Variants in MLLT3 observed in about 807,000 individuals in gnomAD.
MLLT3 encodes the protein MLLT3 super elongation complex subunit.
In MLLT3, 4 loss-of-function variants were observed where a neutral mutation model predicts 53.2. That is an observed-to-expected ratio of 0.08 (90% CI 0.04 to 0.17). The LOEUF (loss-of-function observed/expected upper bound fraction) is 0.17, where lower values mean the gene tolerates loss of function less well. Among genes scored for constraint, MLLT3 ranks in the 10% least tolerant of loss-of-function variants. The probability of loss-of-function intolerance (pLI) is 1.00; values close to 1 mark genes in which losing one functional copy is unlikely to be tolerated. For synonymous variants in MLLT3, 283 were observed against 230.6 expected (o/e 1.23, Z -2.06); for missense variants, 569 against 684.0 (o/e 0.83, Z 1.87).
intron 2 of MLLT3, among the ~76,000 whole-genome samples, chr9:20,466,451 T>C (rs1199552862): frequency 6.6e-6 from 1 of 152,210 alleles, no homozygotes; most frequent in Non-Finnish European, 1.5e-5. Context: ...AGCTATATCA[T>C]TTAAGTAAAC....
chr9:20,365,834 T>C (rs2118651533), intron 5 of MLLT3, 90 bp from the exon 6 acceptor site: 2 of 1,340,500 alleles, frequency 1.5e-6, no homozygotes, highest in Non-Finnish European at 2.1e-6. Flanking sequence ...CAAACCATCC[T>C]CTGCAAAAAC....
At chr9:20,431,893 T>C (rs769512231) in intron 4 of MLLT3, among the ~76,000 whole-genome samples, 2 of 152,118 alleles carry the variant, frequency 1.3e-5, no homozygotes, top group Non-Finnish European at 2.9e-5. Flanking sequence ...TATTATACCA[T>C]TTTCATAACA....
chr9:20,508,051 G>C (rs997112833), intron 2 of MLLT3, among the ~76,000 whole-genome samples: 1 of 152,114 alleles, frequency 6.6e-6, no homozygotes, highest in South Asian at 2.1e-4. Flanking sequence ...CAAAAGGAGA[G>C]GTTCTATTTC....
intron 2 of MLLT3, among the ~76,000 whole-genome samples, chr9:20,470,402 A>G: frequency 6.6e-6 from 1 of 151,958 alleles, no homozygotes; most frequent in South Asian, 2.1e-4. Flanking sequence ...GTGTGTTGTC[A>G]TTTCGTATGT....
chr9:20,411,519 T>C (rs16938060), intron 5 of MLLT3, among the ~76,000 whole-genome samples: 2,483 of 152,278 alleles, frequency 0.016, 51 homozygotes, highest in African/African-American at 0.051. Flanking sequence ...TATACACAAA[T>C]AGTACCTGAA....
chr9:20,352,563 G>A (rs1821054020), intron 10 of MLLT3, among the ~76,000 whole-genome samples: 2 of 152,236 alleles, frequency 1.3e-5, no homozygotes, highest in South Asian at 4.1e-4. Flanking sequence ...TCATAGGTCT[G>A]TAGTCTTTTG....
rs1467580200 is a variant in MLLT3, at chr9:20,363,719, T to C, written c.1202-114A>G. On this transcript the variant is annotated intron_variant, in intron 6 of 10. Coordinates refer to ENST00000380338, the MANE Select transcript of MLLT3 (RefSeq NM_004529.4). ...GAACACTGGTTAAAAATAATCATCA[T>C]ATATATTTATACAATTTACAAGGCA... 5 of 942,428 alleles carry C rather than the reference T, an allele frequency of 5.3e-6. No individual in the cohort carries two copies. The East Asian group carries it at 1.2e-4, about 22-fold the overall frequency. 58.4% of individuals were successfully genotyped at this position (942,428 alleles called of 1,614,324 possible). A position where few individuals can be genotyped will look rare whatever the true frequency, so the allele number is the denominator to read the frequency against.
At chr9:20,581,456 A>G (rs1819791170) in intron 2 of MLLT3, among the ~76,000 whole-genome samples, 1 of 152,214 alleles carries the variant, frequency 6.6e-6, no homozygotes, top group African/African-American at 2.4e-5. Flanking sequence ...GAGTTCTAAG[A>G]GGCCACTTTA....
chr9:20,561,487 G>T (rs991482577), intron 2 of MLLT3, among the ~76,000 whole-genome samples: 1 of 152,126 alleles, frequency 6.6e-6, no homozygotes, highest in African/African-American at 2.4e-5. Context: ...GCTAATGATT[G>T]CTGGTTTTAA....
intron 2 of MLLT3, among the ~76,000 whole-genome samples, chr9:20,544,345 G>GA (rs905963248): frequency 1.6e-4 from 25 of 151,656 alleles, no homozygotes; most frequent in Non-Finnish European, 3.4e-4. Context: ...TTCCATGCAG[G>GA]AAAAAAAATG....
chr9:20,404,963 C>A (rs1822544668), intron 5 of MLLT3, among the ~76,000 whole-genome samples: 1 of 152,032 alleles, frequency 6.6e-6, no homozygotes, highest in Non-Finnish European at 1.5e-5. Context: ...TGAGCGCAAC[C>A]TTTATTTATT....
At chr9:20,468,018 T>A (rs997620785) in intron 2 of MLLT3, among the ~76,000 whole-genome samples, 4 of 152,204 alleles carry the variant, frequency 2.6e-5, no homozygotes, top group Admixed American at 6.5e-5. Flanking sequence ...TTGAGAAAGA[T>A]CCTTAGGTTC....
chr9:20,569,936 A>T (rs1480898817), intron 2 of MLLT3, among the ~76,000 whole-genome samples: 2 of 152,112 alleles, frequency 1.3e-5, no homozygotes, highest in African/African-American at 2.4e-5. Context: ...CTAGCAGAAA[A>T]ATGAACCGTT....
chr9:20,587,532 G>GA (rs10707662), intron 2 of MLLT3, among the ~76,000 whole-genome samples: 4,276 of 150,426 alleles, frequency 0.028, 230 homozygotes, highest in African/African-American at 0.098. Context: ...TAAGATAAAA[G>GA]AAAAAAAAAT....
intron 2 of MLLT3, among the ~76,000 whole-genome samples, chr9:20,572,818 T>A (rs938819617): frequency 9.2e-5 from 14 of 152,090 alleles, no homozygotes; most frequent in African/African-American, 3.4e-4. Context: ...TATAAATAAG[T>A]AAACAGTAAC....
intron 2 of MLLT3, among the ~76,000 whole-genome samples, chr9:20,584,951 A>C (rs1265595780): frequency 1.3e-5 from 2 of 152,232 alleles, no homozygotes; most frequent in Non-Finnish European, 2.9e-5. Context: ...GGCAGTTATA[A>C]ATAAAGCTGT....
At chr9:20,395,996 T>C (rs1257952614) in intron 5 of MLLT3, among the ~76,000 whole-genome samples, 1 of 152,080 alleles carries the variant, frequency 6.6e-6, no homozygotes, top group Non-Finnish European at 1.5e-5. Context: ...GAAAGCAGAA[T>C]CCCTACCTTT....
At chr9:20,476,149 A>C (rs1235471951) in intron 2 of MLLT3, among the ~76,000 whole-genome samples, 2 of 151,962 alleles carry the variant, frequency 1.3e-5, no homozygotes, top group Admixed American at 6.6e-5. Flanking sequence ...AGTAAACCTC[A>C]AACTCTATTT....
intron 2 of MLLT3, among the ~76,000 whole-genome samples, chr9:20,612,681 T>G (rs1168686676): frequency 6.6e-6 from 1 of 151,180 alleles, no homozygotes; most frequent in Admixed American, 6.6e-5. Flanking sequence ...GAAATCAAAA[T>G]AGTCAATATA....
Sources: gnomAD v4.1 joint callset for allele counts (sites outside exome capture counted in the v4.1 genomes callset) on GRCh38, gnomAD v4.1.1 for gene constraint, MANE v1.5 for transcripts, NCBI Gene and HGNC (gene_info 2026-07-23, HGNC 2026-07-21) for gene names.